Variants in ALCAM observed in about 807,000 individuals in gnomAD.
The protein encoded by ALCAM is CD166 antigen.
A neutral mutation model predicts 70.9 loss-of-function variants in ALCAM; 30 were observed. That is an observed-to-expected ratio of 0.42 (90% CI 0.32 to 0.57). The LOEUF is 0.57. Ranked by LOEUF, ALCAM falls within the 20% of genes least tolerant of loss-of-function variation. ALCAM has a pLI of 0.11. For missense variants in ALCAM, 591 were observed against 695.1 expected, an observed-to-expected ratio of 0.85 and a Z score of 1.68; for synonymous variants, 249 against 242.5, an observed-to-expected ratio of 1.03 and a Z score of -0.25.
chr3:105,471,564 G>A (rs1937927665), intron 1 of ALCAM, among the ~76,000 whole-genome samples: 1 of 151,102 alleles, frequency 6.6e-6, no homozygotes, highest in Admixed American at 6.6e-5. Flanking sequence ...TGCTGGAGCT[G>A]ATCAGCTGCG....
At chr3:105,574,253 A>C (rs1371356776) in intron 15 of ALCAM, among the ~76,000 whole-genome samples, 2 of 152,196 alleles carry the variant, frequency 1.3e-5, no homozygotes, top group African/African-American at 4.8e-5. Context: ...TTGTAATATT[A>C]GTATTAATTT....
In ALCAM at chr3:105,367,434, G is replaced by A. The variant is rs1935090510; in HGVS notation, c.26G>A (p.Cys9Tyr). Reference sequence around the variant, plus strand: ...ATGGAATCCAAGGGGGCCAGTTCCTGCCGTCTGCTCTTCTGCCTCTTGATC... The same window carrying A: ...ATGGAATCCAAGGGGGCCAGTTCCTACCGTCTGCTCTTCTGCCTCTTGATC... MESKGASS[C>Y]RLLFCLLISA... Residue 9 changes from cysteine (C) to tyrosine (Y), a missense_variant, in exon 1 of 16, where the codon TGC becomes TAC. Transcript: ENST00000306107. 6.2e-7 allele frequency: 1 copy of A among 1,613,886 alleles called. No homozygotes were observed. Among genetic ancestry groups the A allele is most frequent in the Non-Finnish European group, 8.5e-7 (1 of 1,179,930 alleles).
chr3:105,386,190 A>G (rs1191366689), intron 1 of ALCAM, among the ~76,000 whole-genome samples: 1 of 151,668 alleles, frequency 6.6e-6, no homozygotes, highest in African/African-American at 2.4e-5. Flanking sequence ...TGACTTCTCA[A>G]ATTCTGAAAA....
In ALCAM at chr3:105,547,164, C is replaced by T. The variant is rs1448199395; in HGVS notation, c.1120C>T (p.Arg374Ter). ...VVWMKDNIRL[R>*]SSPSFSSLHY... ...ATTTAATCAGGATAACATCAGGCTT[C>T]GATCTAGCCCGTCATTTTCTAGTCT... Residue 374 changes from arginine (R) to a stop codon, truncating the protein, a stop_gained, in exon 10 of 16, where the codon CGA (arginine) becomes TGA (stop). Transcript: ENST00000306107. LOFTEE classifies it high-confidence loss of function. The T allele has an allele frequency of 6.3e-7, 1 of 1,591,718 alleles. No individual in the cohort carries two copies. The highest frequency in any genetic ancestry group is 8.5e-7 in the Non-Finnish European group (1 of 1,171,626).
rs143527740 is a variant in ALCAM at position 105,425,466 on chromosome 3, C to T, written c.73+57985C>T. Among the ~76,000 whole-genome samples the T allele has an allele frequency of 3.4e-3, 514 of 151,704 alleles. 3 individuals are homozygous for T. The highest frequency in any genetic ancestry group is 0.012 in the African/African-American group (479 of 41,390). On this transcript the variant is annotated intron_variant, in intron 1 of 15. Transcript: ENST00000306107. ...TGCCTTTGCTACACACTTCTGATCC[C>T]GGAGAAACGATTTTCATTCTCCAGC...
intron 1 of ALCAM, 39 bp downstream of exon 1, chr3:105,367,520 G>A: frequency 2.5e-6 from 4 of 1,610,104 alleles, no homozygotes; most frequent in Non-Finnish European, 3.4e-6. Flanking sequence ...ACAGACGTGG[G>A]CCTGGAGCAG....
At chr3:105,408,800 A>G (rs1041770860) in intron 1 of ALCAM, among the ~76,000 whole-genome samples, 1 of 152,204 alleles carries the variant, frequency 6.6e-6, no homozygotes, top group Non-Finnish European at 1.5e-5. Context: ...CAATCTGTAC[A>G]TCTGACAAAG....
chr3:105,401,869 G>A (rs1936097752), intron 1 of ALCAM, among the ~76,000 whole-genome samples: 1 of 151,702 alleles, frequency 6.6e-6, no homozygotes, highest in Non-Finnish European at 1.5e-5. Flanking sequence ...ATGAATAATT[G>A]AGTCTAACCA....
chr3:105,553,460 G>A (rs1010461133), intron 14 of ALCAM, among the ~76,000 whole-genome samples: 1 of 151,810 alleles, frequency 6.6e-6, no homozygotes, highest in African/African-American at 2.4e-5. Context: ...TTTGCAATGG[G>A]ATGTCTATAG....
chr3:105,517,354 G>A (rs1406948758), intron 1 of ALCAM, among the ~76,000 whole-genome samples: 1 of 152,084 alleles, frequency 6.6e-6, no homozygotes, highest in Non-Finnish European at 1.5e-5. Context: ...CCTTATGTCT[G>A]TAATTGTTGG....
At position 105,574,774 on chromosome 3, in the gene ALCAM, C is replaced by G. The variant is rs1477392956; in HGVS notation, c.*323C>G. 1 of 152,536 alleles carries G rather than the reference C, an allele frequency of 6.6e-6. No individual in the cohort carries two copies. The highest frequency in any genetic ancestry group is 1.9e-4 in the East Asian group (1 of 5,200). The allele number at this position is 152,536 out of a possible 1,614,324, so 9.4% of individuals were successfully genotyped here. On this transcript the variant is annotated 3_prime_UTR_variant, in exon 16 of 16. Transcript: ENST00000306107. Reference sequence around the variant, plus strand: ...CCTTTTATGTAAATTTTTTACGTAGCTATTTTTATACACTGTAAGCTTTGT... The same window carrying G: ...CCTTTTATGTAAATTTTTTACGTAGGTATTTTTATACACTGTAAGCTTTGT...
chr3:105,409,338 TA>T, intron 1 of ALCAM, among the ~76,000 whole-genome samples: 1 of 151,756 alleles, frequency 6.6e-6, no homozygotes, highest in African/African-American at 2.4e-5. Context: ...ATGTGACATA[TA>T]TATATATACA....
intron 1 of ALCAM, among the ~76,000 whole-genome samples, chr3:105,400,193 T>A (rs1427758621): frequency 6.6e-6 from 1 of 152,130 alleles, no homozygotes; most frequent in Non-Finnish European, 1.5e-5. Flanking sequence ...CTTGTTTGGG[T>A]CATTAAGAAG....
At chr3:105,534,238 C>T (rs1485953854) in intron 5 of ALCAM, among the ~76,000 whole-genome samples, 2 of 152,062 alleles carry the variant, frequency 1.3e-5, no homozygotes. Flanking sequence ...CTGTTTGCAC[C>T]CATACCAGTC....
intron 1 of ALCAM, among the ~76,000 whole-genome samples, chr3:105,517,563 A>T (rs1342097756): frequency 6.6e-6 from 1 of 152,164 alleles, no homozygotes; most frequent in Non-Finnish European, 1.5e-5. Context: ...ACATTTCATG[A>T]TATCATTTGC....
At chr3:105,444,130 T>C (rs934689538) in intron 1 of ALCAM, among the ~76,000 whole-genome samples, 1 of 152,188 alleles carries the variant, frequency 6.6e-6, no homozygotes, top group Non-Finnish European at 1.5e-5. Flanking sequence ...TTATGTTTCC[T>C]TTTACACTGG....
intron 1 of ALCAM, among the ~76,000 whole-genome samples, chr3:105,402,938 C>CTTCTTTTTTTTTTTTTTTTTTT (rs1936124536): frequency 8.5e-6 from 1 of 117,254 alleles, no homozygotes; most frequent in African/African-American, 3.1e-5. Flanking sequence ...AGCTGATGCG[C>CTTCTTTTTTTTTTTTTTTTTTT]TTTTTTTTTT....
intron 1 of ALCAM, among the ~76,000 whole-genome samples, chr3:105,505,116 C>A (rs1939036085): frequency 6.6e-6 from 1 of 152,168 alleles, no homozygotes; most frequent in Non-Finnish European, 1.5e-5. Flanking sequence ...TCATTTCTGT[C>A]TTCTAGATTT....
At chr3:105,567,772 C>T (rs572972958) in intron 14 of ALCAM, among the ~76,000 whole-genome samples, 2 of 152,210 alleles carry the variant, frequency 1.3e-5, no homozygotes, top group East Asian at 3.9e-4. Context: ...ATCTGCATCA[C>T]CTAAGGACAT....
Sources: gnomAD v4.1 joint callset for allele counts (sites outside exome capture counted in the v4.1 genomes callset) on GRCh38, gnomAD v4.1.1 for gene constraint, MANE v1.5 for transcripts, NCBI Gene and HGNC (gene_info 2026-07-23, HGNC 2026-07-21) for gene names.